Variants in MAGOHB observed in about 807,000 individuals in gnomAD.
MAGOHB encodes mago homolog B, exon junction complex subunit.
MAGOHB carries 15 observed loss-of-function variants against 20.9 expected under a neutral mutation model. That is an observed-to-expected ratio of 0.72 (90% CI 0.48 to 1.11). The LOEUF (loss-of-function observed/expected upper bound fraction) is 1.11, where lower values mean the gene tolerates loss of function less well. MAGOHB is among the 50% of genes least tolerant of loss of function. MAGOHB has a pLI of 0.00. For missense variants in MAGOHB, 162 were observed against 177.6 expected (o/e 0.91, Z 0.50); for synonymous variants, 50 against 57.9 (o/e 0.86, Z 0.62).
intron 1 of MAGOHB, among the ~76,000 whole-genome samples, chr12:10,611,771 A>AAAAAAAAAAAAG (rs1555146555): frequency 2.3e-4 from 21 of 93,084 alleles, no homozygotes; most frequent in Non-Finnish European, 2.7e-4. Flanking sequence ...AAAAAAAAAA[A>AAAAAAAAAAAAG]AAAAGAAAAG....
chr12:10,613,038 C>G, intron 1 of MAGOHB: 1 of 938,974 alleles, frequency 1.1e-6, no homozygotes, highest in Non-Finnish European at 1.5e-6. Context: ...TTTGTTAACA[C>G]GTTGGGCTCC....
At chr12:10,599,878 TATC>T (rs1865537777), downstream of MAGOHB, among the ~76,000 whole-genome samples, 1 of 152,116 alleles carries the variant, frequency 6.6e-6, no homozygotes, top group Non-Finnish European at 1.5e-5. Context: ...ATAAAACTAA[TATC>T]ATTAACAAAA....
chr12:10,600,736 CTCAT>C (rs971569738), downstream of MAGOHB, among the ~76,000 whole-genome samples: 4 of 152,316 alleles, frequency 2.6e-5, no homozygotes, highest in African/African-American at 9.6e-5. Flanking sequence ...ACTCAGATCT[CTCAT>C]TGACTTCCAC....
At chr12:10,612,822 T>G in intron 1 of MAGOHB, 7 of 1,288,840 alleles carry the variant, frequency 5.4e-6, no homozygotes, top group Non-Finnish European at 7.1e-6. Context: ...CACCTCATCC[T>G]CTGCTCATAC....
At chr12:10,606,966 G>A (rs1591662408) in intron 4 of MAGOHB, among the ~76,000 whole-genome samples, 1 of 152,144 alleles carries the variant, frequency 6.6e-6, no homozygotes, top group East Asian at 1.9e-4. Context: ...AATGAAAAAT[G>A]TCAACAGTTT....
chr12:10,601,945 T>C (rs564291932), downstream of MAGOHB, among the ~76,000 whole-genome samples: 1 of 152,338 alleles, frequency 6.6e-6, no homozygotes, highest in African/African-American at 2.4e-5. Flanking sequence ...GCAGAAATCC[T>C]GACATGTTAT....
At chr12:10,602,598 T>C (rs557599748), downstream of MAGOHB, among the ~76,000 whole-genome samples, 30 of 152,338 alleles carry the variant, frequency 2.0e-4, no homozygotes, top group African/African-American at 4.8e-4. Context: ...AAGAGAAATA[T>C]ACAGAGTTTT....
intron 4 of MAGOHB, 148 bp downstream of exon 4, chr12:10,607,706 G>C (rs2290718): frequency 0.3 from 174,868 of 587,268 alleles, 31,353 homozygotes; most frequent in East Asian, 0.78. Context: ...AAGATAATAA[G>C]CCTTTAATGA....
intron 2 of MAGOHB, among the ~76,000 whole-genome samples, 165 bp from the exon 3 acceptor site, chr12:10,610,106 T>G (rs1296603590): frequency 1.3e-5 from 2 of 152,222 alleles, no homozygotes; most frequent in Non-Finnish European, 2.9e-5. Context: ...TTACACTGCT[T>G]TTCTTCATCT....
At chr12:10,603,240 G>A (rs1362567755), downstream of MAGOHB, among the ~76,000 whole-genome samples, 2 of 150,686 alleles carry the variant, frequency 1.3e-5, no homozygotes, top group African/African-American at 4.9e-5. Context: ...CATGAACCCC[G>A]GAGGCGGAGC....
intron 1 of MAGOHB, chr12:10,612,896 A>G (rs946446799): frequency 2.3e-6 from 3 of 1,288,994 alleles, no homozygotes; most frequent in Admixed American, 2.3e-5. Flanking sequence ...TCATCTCAAG[A>G]GTGCCGTCCT....
At chr12:10,613,092 T>C (rs1430820472) in intron 1 of MAGOHB, 4 of 556,682 alleles carry the variant, frequency 7.2e-6, no homozygotes, top group South Asian at 2.0e-5. Flanking sequence ...AAAAAGGTAC[T>C]GGTCACCACA....
Position 10,613,500 on chromosome 12 carries a change from G to C in MAGOHB, c.33C>G (p.Tyr11Ter). The C allele has an allele frequency of 6.2e-7, 1 of 1,614,136 alleles. No individual in the cohort carries two copies. The highest frequency in any genetic ancestry group is 8.5e-7 in the Non-Finnish European group (1 of 1,180,010). MAVASDFYLR[Y>*]YVGHKGKFGH... is the part of the protein sequence containing the mutation. ...CAAACTTGCCCTTGTGCCCTACGTAGTAGCGCAGGTAGAAATCGCTAGCCA... is the reference window on the plus strand; with the variant it reads ...CAAACTTGCCCTTGTGCCCTACGTACTAGCGCAGGTAGAAATCGCTAGCCA... The change falls in exon 1 of 5, where the codon TAC (tyrosine) becomes TAG (stop). Residue 11 changes from tyrosine (Y) to a stop codon, truncating the protein, a stop_gained. Transcript: ENST00000320756. LOFTEE classifies it high-confidence loss of function.
chr12:10,609,930 G>A lies in MAGOHB; in HGVS notation c.165C>T (p.His55=). 6.3e-7 allele frequency: 1 copy of A among 1,591,494 alleles called. No homozygotes were observed. The highest frequency in any genetic ancestry group is 8.6e-7 in the Non-Finnish European group (1 of 1,164,992). The change falls in exon 3 of 5, where the codon CAC becomes CAT. Residue 55 remains histidine (H), a synonymous_variant. Coordinates refer to ENST00000320756, the MANE Select transcript of MAGOHB (RefSeq NM_018048.5). ...DVMIRKEAYV[H]KSVMEELKRI... ...TCTTCAGTTCTTCCATTACACTCTTGTGCACATAAGCCTAAAAATTAATCA... is the reference window on the plus strand; with the variant it reads ...TCTTCAGTTCTTCCATTACACTCTTATGCACATAAGCCTAAAAATTAATCA...
At chr12:10,602,189 T>C (rs1865560328), downstream of MAGOHB, among the ~76,000 whole-genome samples, 1 of 152,230 alleles carries the variant, frequency 6.6e-6, no homozygotes, top group African/African-American at 2.4e-5. Flanking sequence ...TTACATATTG[T>C]CTCCTCTATC....
chr12:10,610,547 AAC>A (rs913580567), intron 2 of MAGOHB, 73 bp downstream of exon 2: 6 of 1,433,872 alleles, frequency 4.2e-6, no homozygotes, highest in East Asian at 5.5e-5. Context: ...TTTTAAATTC[AAC>A]ACAGACTTGA....
intron 1 of MAGOHB, among the ~76,000 whole-genome samples, chr12:10,612,212 T>TAACAA (rs1865758349): frequency 6.7e-6 from 1 of 148,366 alleles, no homozygotes; most frequent in East Asian, 2.0e-4. Flanking sequence ...TAACATAACA[T>TAACAA]AACATAACAT....
At position 10,613,587 on chromosome 12, in the gene MAGOHB, G is replaced by T; in HGVS notation, c.-55C>A. ...CAGCCAACGTGTCCCCCGGCGCCTTGCAGTGACGTCATCGCGCGGAATAAG... is the reference window on the plus strand; with the variant it reads ...CAGCCAACGTGTCCCCCGGCGCCTTTCAGTGACGTCATCGCGCGGAATAAG... On this transcript the variant is annotated 5_prime_UTR_variant, in exon 1 of 5. Transcript: ENST00000320756. 4 of 1,179,076 alleles carry T rather than the reference G, an allele frequency of 3.4e-6. No homozygotes were observed. The highest frequency in any genetic ancestry group is 2.3e-5 in the East Asian group (1 of 42,902). The allele number at this position is 1,179,076 out of a possible 1,614,324, so 73.0% of individuals were successfully genotyped here. A position where few individuals can be genotyped will look rare whatever the true frequency, so the allele number is the denominator to read the frequency against.
rs1197939012 is a variant in MAGOHB, at chr12:10,608,177, AAAG to A, written c.265-244_265-242del. The A allele has an allele frequency of 1.2e-5, 4 of 329,766 alleles. No individual in the cohort carries two copies. In the Admixed American group the frequency reaches 2.0e-4, roughly 17 times the overall value. 20.4% of individuals were successfully genotyped at this position (329,766 alleles called of 1,614,324 possible). ...ACAAAGAATTGCTTTCCAGAGACAT[AAAG>A]AAGACACTATGAAACAAAATGACAA... is the stretch of plus-strand genomic sequence containing the variant. On this transcript the variant is annotated intron_variant, in intron 3 of 4. Coordinates refer to ENST00000320756, the MANE Select transcript of MAGOHB (RefSeq NM_018048.5).
Sources: allele counts gnomAD v4.1 joint callset (sites outside exome capture counted in the v4.1 genomes callset), GRCh38; gene constraint gnomAD v4.1.1; transcripts MANE v1.5; gene names NCBI Gene and HGNC (gene_info 2026-07-23, HGNC 2026-07-21).